PCDHA13: variants seen among roughly 807,000 people sequenced by gnomAD.
The protein encoded by PCDHA13 is protocadherin alpha-13.
Under a neutral mutation model 64.8 loss-of-function variants are expected in PCDHA13, and 54 were observed. The observed-to-expected ratio is 0.83, with a 90% CI of 0.67 to 1.04. The LOEUF (loss-of-function observed/expected upper bound fraction) is 1.04. PCDHA13 is among the 50% of genes least tolerant of loss of function. The probability of loss-of-function intolerance (pLI) is 0.00; values close to 1 mark genes in which losing one functional copy is unlikely to be tolerated. For synonymous variants in PCDHA13, 587 were observed against 564.4 expected (o/e 1.04, Z -0.57); for missense variants, 1,248 against 1,254.3 (o/e 0.99, Z 0.08).
At chr5:140,998,136 C>T (rs2153950850) in intron 3 of PCDHA13, among the ~76,000 whole-genome samples, 1 of 152,308 alleles carries the variant, frequency 6.6e-6, no homozygotes, top group South Asian at 2.1e-4. Context: ...TAATAGCTAA[C>T]CTGTACTGAA....
At chr5:140,966,233 C>T (rs1554228161) in intron 1 of PCDHA13, 1 of 287,374 alleles carries the variant, frequency 3.5e-6, no homozygotes, top group Non-Finnish European at 6.4e-6. Flanking sequence ...CCTTAAAGAC[C>T]CGTTAAGCAG....
intron 3 of PCDHA13, among the ~76,000 whole-genome samples, chr5:140,993,462 TCACACACACACACA>T (rs3836747): frequency 0.028 from 4,017 of 141,026 alleles, 179 homozygotes; most frequent in African/African-American, 0.099. Context: ...TCTTTCTTTC[TCACACACACACACA>T]CACACACACA....
intron 1 of PCDHA13, among the ~76,000 whole-genome samples, chr5:140,944,361 A>G (rs1463339181): frequency 6.6e-6 from 1 of 151,888 alleles, no homozygotes; most frequent in Non-Finnish European, 1.5e-5. Flanking sequence ...CTAATTTTTA[A>G]TTTTTTATAG....
rs143631680 is a variant in PCDHA13, at chr5:140,883,640, C to G, written c.1372C>G (p.Pro458Ala). The change falls in exon 1 of 4, where the codon CCC becomes GCC. Residue 458 changes from proline (P) to alanine (A), a missense_variant. Physicochemically the swap from Pro to Ala is conservative, Grantham distance 27. Transcript: ENST00000289272. The part of the protein sequence containing the change: ...VNDNAPAFAQ[P>A]EYTVFVKENN... Reference sequence around the variant, plus strand: ...CGACAACGCGCCGGCGTTCGCGCAGCCCGAGTACACGGTGTTCGTGAAGGA... The same window carrying G: ...CGACAACGCGCCGGCGTTCGCGCAGGCCGAGTACACGGTGTTCGTGAAGGA... 2 of 1,613,958 alleles carry G rather than the reference C, an allele frequency of 1.2e-6. No homozygotes were observed. The highest frequency in any genetic ancestry group is 1.7e-6 in the Non-Finnish European group (2 of 1,179,910).
intron 3 of PCDHA13, among the ~76,000 whole-genome samples, chr5:140,991,152 C>T (rs533894396): frequency 4.1e-4 from 63 of 152,168 alleles, no homozygotes; most frequent in South Asian, 1.0e-3. Flanking sequence ...TTTTGCTCAC[C>T]ATTGTATTCC....
chr5:141,000,367 C>G (rs1158701279), intron 3 of PCDHA13, among the ~76,000 whole-genome samples: 1 of 18,506 alleles, frequency 5.4e-5, no homozygotes, highest in Admixed American at 6.5e-4. Flanking sequence ...CTCTGTCTCT[C>G]TCTCTCTCTC....
intron 1 of PCDHA13, among the ~76,000 whole-genome samples, chr5:140,938,842 G>T (rs2092225940): frequency 1.3e-5 from 2 of 151,980 alleles, no homozygotes; most frequent in African/African-American, 4.8e-5. Context: ...TAACAAACCT[G>T]CCCATGTACC....
At chr5:140,907,092 G>C (rs1381969899) in intron 1 of PCDHA13, among the ~76,000 whole-genome samples, 4 of 152,262 alleles carry the variant, frequency 2.6e-5, no homozygotes, top group African/African-American at 9.6e-5. Context: ...GGTAAGTGGT[G>C]CCACTTCCAC....
chr5:140,885,385 T>C (rs2060578484), intron 1 of PCDHA13, among the ~76,000 whole-genome samples: 1 of 152,194 alleles, frequency 6.6e-6, no homozygotes, highest in South Asian at 2.1e-4. Flanking sequence ...TGGCAGTCCC[T>C]GCAAATCTAA....
In PCDHA13 at chr5:141,010,237, G is replaced by C; in HGVS notation, c.*300G>C. 2.6e-6 allele frequency: 4 copies of C among 1,551,914 alleles called. No individual in the cohort carries two copies. The highest frequency in any genetic ancestry group is 3.5e-6 in the Non-Finnish European group (4 of 1,147,042). On this transcript the variant is annotated 3_prime_UTR_variant, in exon 4 of 4. Coordinates refer to ENST00000289272, the MANE Select transcript of PCDHA13 (RefSeq NM_018904.3). ...AGAGGCTTCCCAGCCCCGCCAGTGA[G>C]AGGTTGGACTCTCTGCCCTGTGCTC...
chr5:140,985,021 T>A (rs2097132867), intron 3 of PCDHA13, among the ~76,000 whole-genome samples: 1 of 151,956 alleles, frequency 6.6e-6, no homozygotes, highest in African/African-American at 2.4e-5. Flanking sequence ...CACAGCAACC[T>A]CTGCCTCCTG....
At chr5:140,939,428 G>A (rs1417323934) in intron 1 of PCDHA13, among the ~76,000 whole-genome samples, 2 of 152,128 alleles carry the variant, frequency 1.3e-5, no homozygotes, top group Admixed American at 6.5e-5. Flanking sequence ...TCTTCCATAA[G>A]CATTTGAAGA....
rs1387090858 is a variant in PCDHA13, at chr5:140,923,184, T to C, written c.2394+38522T>C. Reference sequence around the variant, plus strand: ...AGATAAATTTTTGTTCAGATGCATCTACTGCAGCAATTTGGGAGGCTAAGG... The same window carrying C: ...AGATAAATTTTTGTTCAGATGCATCCACTGCAGCAATTTGGGAGGCTAAGG... On this transcript the variant is annotated intron_variant, in intron 1 of 3. Transcript: ENST00000289272. Among the ~76,000 whole-genome samples the C allele has an allele frequency of 3.9e-5, 6 of 152,146 alleles. No homozygotes were observed. In the East Asian group the frequency reaches 1.2e-3, roughly 29 times the overall value.
chr5:140,949,978 C>T (rs557456282), intron 1 of PCDHA13, among the ~76,000 whole-genome samples: 1 of 151,916 alleles, frequency 6.6e-6, no homozygotes, highest in East Asian at 1.9e-4. Context: ...AGCATACATA[C>T]TTAACTTTTC....
chr5:140,928,587 C>T, intron 1 of PCDHA13: 1 of 1,614,228 alleles, frequency 6.2e-7, no homozygotes. Flanking sequence ...ATGGTTCTGT[C>T]CCAGTGGAAA....
intron 3 of PCDHA13, among the ~76,000 whole-genome samples, chr5:140,989,551 C>A (rs964653534): frequency 1.3e-5 from 2 of 152,178 alleles, no homozygotes; most frequent in Non-Finnish European, 2.9e-5. Context: ...AATTCCTTTA[C>A]GTTTTGTGGC....
At position 140,884,299 on chromosome 5, in the gene PCDHA13, G is replaced by A; in HGVS notation, c.2031G>A (p.Gln677=). The A allele has an allele frequency of 6.2e-7, 1 of 1,613,736 alleles. No homozygotes were observed. The highest frequency in any genetic ancestry group is 8.5e-7 in the Non-Finnish European group (1 of 1,179,838). ...TGGTGGAGAGCGGCCAAGCGCCACAGGCTTCGTCGAGGGCGTCGGCAGGCG... is the reference window on the plus strand; with the variant it reads ...TGGTGGAGAGCGGCCAAGCGCCACAAGCTTCGTCGAGGGCGTCGGCAGGCG... The part of the protein sequence containing the change: ...LSLVESGQAP[Q]ASSRASAGAV... Residue 677 remains glutamine, a synonymous_variant, in exon 1 of 4, where the codon CAG becomes CAA. Coordinates refer to ENST00000289272, the MANE Select transcript of PCDHA13 (RefSeq NM_018904.3).
At chr5:140,930,416 T>C (rs1554207810) in intron 1 of PCDHA13, 1 of 151,928 alleles carries the variant, frequency 6.6e-6, no homozygotes, top group East Asian at 1.9e-4. Flanking sequence ...GAGACAGGGG[T>C]CTCACTATGT....
At position 140,951,544 on chromosome 5, in the gene PCDHA13, G is replaced by A. The variant is rs543008494; in HGVS notation, c.2395-27405G>A. On this transcript the variant is annotated intron_variant, in intron 1 of 3. Transcript: ENST00000289272. ...CATGGCCGGTGCAGGAGCAAGGGAC[G>A]GGGGGAAGTGCTACGCACTTTTAAA... Among the ~76,000 whole-genome samples the A allele has an allele frequency of 1.4e-3, 220 of 151,994 alleles. 1 individual carries two copies. The highest frequency in any genetic ancestry group is 4.9e-3 in the African/African-American group (204 of 41,462).
Sources: allele counts gnomAD v4.1 joint callset (sites outside exome capture counted in the v4.1 genomes callset), GRCh38; gene constraint gnomAD v4.1.1; transcripts MANE v1.5; gene names NCBI Gene and HGNC (gene_info 2026-07-23, HGNC 2026-07-21).